The following SNX29 variants were observed in gnomAD, a reference collection of about 807,000 sequenced individuals.
The protein encoded by SNX29 is sorting nexin 29, also known as sorting nexin-29.
A neutral mutation model predicts 102.1 loss-of-function variants in SNX29; 78 were observed. The observed-to-expected ratio is 0.76, with a 90% CI of 0.64 to 0.92. The LOEUF is 0.92. Ranked by LOEUF, SNX29 falls within the 40% of genes least tolerant of loss-of-function variation. The pLI, the probability that SNX29 is intolerant of heterozygous loss-of-function variation, is 0.00. For missense variants in SNX29, 1,280 were observed against 1,061.7 expected (o/e 1.21, Z -2.86); for synonymous variants, 580 against 414.5 (o/e 1.40, Z -4.85).
chr16:12,389,555 A>C (rs1323279462), intron 16 of SNX29, among the ~76,000 whole-genome samples: 1 of 152,188 alleles, frequency 6.6e-6, no homozygotes, highest in Non-Finnish European at 1.5e-5. Flanking sequence ...GAGTCCATTA[A>C]ACCTCTTTCC....
intron 15 of SNX29, among the ~76,000 whole-genome samples, chr16:12,331,638 G>A (rs909400968): frequency 2.6e-5 from 4 of 152,174 alleles, no homozygotes; most frequent in African/African-American, 9.6e-5. Context: ...TGCAGCCTCT[G>A]CCTCCTGGGT....
intron 20 of SNX29, among the ~76,000 whole-genome samples, chr16:12,528,822 C>T (rs760889019): frequency 6.6e-6 from 1 of 152,346 alleles, no homozygotes; most frequent in Non-Finnish European, 1.5e-5. Context: ...AACAGGGCCA[C>T]TGATCAGCTT....
chr16:12,235,719 A>C (rs531346034), intron 14 of SNX29, among the ~76,000 whole-genome samples: 1 of 152,132 alleles, frequency 6.6e-6, no homozygotes, highest in East Asian at 1.9e-4. Flanking sequence ...TTGAAAGGAA[A>C]CTTCATCAGT....
intron 13 of SNX29, among the ~76,000 whole-genome samples, chr16:12,174,442 A>G (rs1238872748): frequency 6.6e-6 from 1 of 152,208 alleles, no homozygotes; most frequent in Non-Finnish European, 1.5e-5. Context: ...ACCTCTGCCC[A>G]AAGGAAAGGG....
intron 18 of SNX29, among the ~76,000 whole-genome samples, chr16:12,464,250 C>T (rs1407906316): frequency 8.5e-6 from 1 of 118,062 alleles, no homozygotes; most frequent in Non-Finnish European, 1.7e-5. Context: ...GTGTGTACCA[C>T]ATATATTCCA....
chr16:12,095,090 A>G (rs1228531697), intron 11 of SNX29: 1 of 152,182 alleles, frequency 6.6e-6, no homozygotes, highest in Admixed American at 6.5e-5. Context: ...GCACCAGACT[A>G]AGTGATCCTG....
intron 20 of SNX29, among the ~76,000 whole-genome samples, chr16:12,553,391 A>G (rs114271014): frequency 7.2e-5 from 11 of 152,270 alleles, no homozygotes; most frequent in East Asian, 3.9e-4. Context: ...AGTTGAACAT[A>G]TAAGTAGTTC....
chr16:12,565,987 C>T (rs139412611), intron 20 of SNX29, among the ~76,000 whole-genome samples: 1,640 of 152,298 alleles, frequency 0.011, 131 homozygotes, highest in Admixed American at 0.099. Context: ...CCTGAGACCA[C>T]TTCTGCACCC....
chr16:12,146,391 G>A (rs945464460), intron 13 of SNX29, among the ~76,000 whole-genome samples: 1 of 151,936 alleles, frequency 6.6e-6, no homozygotes, highest in Non-Finnish European at 1.5e-5. Flanking sequence ...TCAGCCTCCC[G>A]AGTAGCTGGG....
At chr16:12,125,473 G>C (rs975902988) in intron 11 of SNX29, among the ~76,000 whole-genome samples, 11 of 152,104 alleles carry the variant, frequency 7.2e-5, no homozygotes, top group African/African-American at 2.4e-5. Context: ...TATGGGACCT[G>C]GGAGGGTAGG....
intron 18 of SNX29, among the ~76,000 whole-genome samples, chr16:12,418,113 G>A (rs879911262): frequency 3.9e-5 from 6 of 152,080 alleles, no homozygotes; most frequent in Non-Finnish European, 8.8e-5. Flanking sequence ...CATGACTACC[G>A]AGTCACTCCT....
intron 14 of SNX29, among the ~76,000 whole-genome samples, chr16:12,234,001 G>A (rs1188964850): frequency 6.6e-5 from 10 of 152,078 alleles, no homozygotes; most frequent in Non-Finnish European, 1.0e-4. Context: ...TTACCCTTTC[G>A]TTAGTCGATG....
At chr16:12,332,602 G>A (rs1156264302) in intron 15 of SNX29, among the ~76,000 whole-genome samples, 4 of 152,244 alleles carry the variant, frequency 2.6e-5, no homozygotes, top group Non-Finnish European at 4.4e-5. Context: ...GAGCTCCCCC[G>A]AGGTCCATGG....
intron 3 of SNX29, among the ~76,000 whole-genome samples, chr16:12,014,745 AAAAAAGAAAAG>A (rs2056791068): frequency 6.6e-6 from 1 of 151,644 alleles, no homozygotes; most frequent in Non-Finnish European, 1.5e-5. Context: ...AAAAAAAAAA[AAAAAAGAAAAG>A]AAAAAGAAAA....
intron 12 of SNX29, among the ~76,000 whole-genome samples, chr16:12,127,954 G>C (rs1358696476): frequency 6.6e-6 from 1 of 152,032 alleles, no homozygotes; most frequent in East Asian, 1.9e-4. Context: ...TGGGGAGAGG[G>C]GGGTGTGTGT....
At chr16:12,556,969 C>T (rs914186623) in intron 20 of SNX29, among the ~76,000 whole-genome samples, 1 of 149,786 alleles carries the variant, frequency 6.7e-6, no homozygotes, top group Non-Finnish European at 1.5e-5. Context: ...CCACTTCTGC[C>T]TCATGAGTAG....
chr16:12,439,823 T>G (rs565242775), intron 18 of SNX29, among the ~76,000 whole-genome samples: 7 of 152,318 alleles, frequency 4.6e-5, no homozygotes, highest in East Asian at 1.9e-4. Flanking sequence ...GTAGTACACC[T>G]TCACCCCTGC....
chr16:12,377,343 G>T (rs1221137900), intron 16 of SNX29, among the ~76,000 whole-genome samples: 1 of 152,172 alleles, frequency 6.6e-6, no homozygotes, highest in Non-Finnish European at 1.5e-5. Context: ...GCTCTGTGTT[G>T]TCACCATCCT....
intron 18 of SNX29, among the ~76,000 whole-genome samples, chr16:12,410,241 G>T (rs993156256): frequency 9.9e-5 from 15 of 152,184 alleles, no homozygotes; most frequent in East Asian, 5.8e-4. Flanking sequence ...TGATCCACCT[G>T]CCTCGACCTC....
Sources: allele counts gnomAD v4.1 joint callset (sites outside exome capture counted in the v4.1 genomes callset), GRCh38; gene constraint gnomAD v4.1.1; transcripts MANE v1.5; gene names NCBI Gene and HGNC (gene_info 2026-07-23, HGNC 2026-07-21).